Variants in CACNA1D observed in about 807,000 individuals in gnomAD.
CACNA1D encodes the protein voltage-dependent L-type calcium channel subunit alpha-1D.
A neutral mutation model predicts 257.1 loss-of-function variants in CACNA1D; 55 were observed. The observed-to-expected ratio is 0.21, with a 90% CI of 0.17 to 0.27. The LOEUF is 0.27. Ranked by LOEUF, CACNA1D falls within the 10% of genes least tolerant of loss-of-function variation. The pLI, the probability that CACNA1D is intolerant of heterozygous loss-of-function variation, is 1.00. For synonymous variants in CACNA1D, 980 were observed against 1,014.9 expected (o/e 0.97, Z 0.65); for missense variants, 1,876 against 2,784.0 (o/e 0.67, Z 7.34).
rs539807803 is a variant in CACNA1D, at chr3:53,526,145, G to T, written c.483+24425G>T. Among the ~76,000 whole-genome samples the T allele has an allele frequency of 1.2e-4, 19 of 152,306 alleles. No individual in the cohort carries two copies. The South Asian group carries it at 3.7e-3, about 30-fold the overall frequency. ...CCCATTGTCTCAGATTGGGTCACGC[G>T]CACATCCGGAACCAGTTGCAAGGCC... On this transcript the variant is annotated intron_variant, in intron 3 of 47. Coordinates refer to ENST00000350061, the MANE Select transcript of CACNA1D (RefSeq NM_001128840.3).
At chr3:53,722,264 C>G in intron 11 of CACNA1D, 50 bp from the exon 12 acceptor site, 2 of 1,604,058 alleles carry the variant, frequency 1.2e-6, no homozygotes, top group Non-Finnish European at 1.7e-6. Context: ...TTATTGGATA[C>G]TCAGATGCTG....
chr3:53,643,451 T>A (rs1448414871), intron 3 of CACNA1D, among the ~76,000 whole-genome samples: 1 of 151,706 alleles, frequency 6.6e-6, no homozygotes, highest in Non-Finnish European at 1.5e-5. Flanking sequence ...TGGGAGGGTG[T>A]CTCAGCAAGC....
chr3:53,764,064 C>T (rs1448362655), intron 30 of CACNA1D, among the ~76,000 whole-genome samples: 3 of 152,152 alleles, frequency 2.0e-5, no homozygotes, highest in East Asian at 1.9e-4. Flanking sequence ...CGTCATGCCA[C>T]GCTATGACCA....
rs555763995 is a variant in CACNA1D, at chr3:53,663,823, C to G, written c.767-1837C>G. On this transcript the variant is annotated intron_variant, in intron 5 of 47. Transcript: ENST00000350061. ...TTTTTTTTGGAGACGAAGTCTTGCT[C>G]TGTCACCCAGACTGGAGTTGCAACC... Among the ~76,000 whole-genome samples the G allele has an allele frequency of 7.9e-4, 120 of 152,180 alleles. 1 individual carries two copies. The highest frequency in any genetic ancestry group is 3.5e-3 in the South Asian group (17 of 4,808).
chr3:53,540,219 AG>A (rs1478106716), intron 3 of CACNA1D, among the ~76,000 whole-genome samples: 2 of 151,890 alleles, frequency 1.3e-5, no homozygotes, highest in African/African-American at 4.8e-5. Flanking sequence ...CCCAGGTTCA[AG>A]CGATTCTCCT....
chr3:53,530,871 C>T (rs1360454742), intron 3 of CACNA1D, among the ~76,000 whole-genome samples: 1 of 151,618 alleles, frequency 6.6e-6, no homozygotes, highest in Non-Finnish European at 1.5e-5. Context: ...TTTTCTGAGA[C>T]AAGGTCTTGC....
Position 53,672,816 on chromosome 3 carries a change from GTGTA to G in CACNA1D, c.1117-204_1117-201del, listed in dbSNP as rs1215090818. Among the ~76,000 whole-genome samples, 510 of 107,414 alleles carry G rather than the reference GTGTA, an allele frequency of 4.7e-3. 16 individuals carry two copies. Among genetic ancestry groups the G allele is most frequent in the African/African-American group, 0.019 (468 of 25,120 alleles). The allele number at this position is 107,414 out of a possible 152,430, so 70.5% of individuals were successfully genotyped here. Reference sequence around the variant, plus strand: ...TGTGTGTGTGTGTGTGTGTGTGTGTGTGTATGGATGCTTGTGTGTGTGTATGGGG... The same window carrying G: ...TGTGTGTGTGTGTGTGTGTGTGTGTGTGGATGCTTGTGTGTGTGTATGGGG... On this transcript the variant is annotated intron_variant, in intron 7 of 47. Transcript: ENST00000350061.
At chr3:53,722,584 T>G in intron 12 of CACNA1D, 110 bp downstream of exon 12, 5 of 1,127,844 alleles carry the variant, frequency 4.4e-6, no homozygotes, top group African/African-American at 1.5e-5. Context: ...GCAACATTTC[T>G]AGTGAGGACA....
chr3:53,786,816 G>T lies in CACNA1D; in HGVS notation c.4793-6G>T. ...CGGGAGAGCTCTGTCTGGTCTCTCC[G>T]TTTAGATGATGAGGTAACCGTGGGG... On this transcript the variant is annotated splice_region_variant and splice_polypyrimidine_tract_variant and intron_variant, in intron 39 of 47. Coordinates refer to ENST00000350061, the MANE Select transcript of CACNA1D (RefSeq NM_001128840.3). 6.5e-6 allele frequency: 10 copies of T among 1,534,220 alleles called. No individual in the cohort carries two copies. Among genetic ancestry groups the T allele is most frequent in the Non-Finnish European group, 8.0e-6 (9 of 1,129,018 alleles).
At position 53,801,293 on chromosome 3, in the gene CACNA1D, A is replaced by G. The variant is rs1281094271; in HGVS notation, c.5276A>G (p.Asn1759Ser). Reference protein sequence around the residue: ...QVPTSTNANLNNANMSKAAHG... With the variant: ...QVPTSTNANLSNANMSKAAHG... ...CCCACCTCAACAAATGCCAATCTCA[A>G]TAATGCCAATATGTCCAAAGCTGCC... Residue 1759 changes from asparagine (N) to serine (S), a missense_variant, in exon 42 of 48, where the codon AAT becomes AGT. This residue lies in a region of CACNA1D where 491 missense variants were observed against 554.3 expected (regional missense o/e 0.89). Coordinates refer to ENST00000350061, the MANE Select transcript of CACNA1D (RefSeq NM_001128840.3). 1 of 1,614,196 alleles carries G rather than the reference A, an allele frequency of 6.2e-7. No individual in the cohort carries two copies. Among genetic ancestry groups the G allele is most frequent in the Non-Finnish European group, 8.5e-7 (1 of 1,180,042 alleles).
At chr3:53,627,170 G>A (rs2093768967) in intron 3 of CACNA1D, among the ~76,000 whole-genome samples, 1 of 152,238 alleles carries the variant, frequency 6.6e-6, no homozygotes, top group Non-Finnish European at 1.5e-5. Context: ...CCACCTCACA[G>A]GTCCCAATAG....
intron 29 of CACNA1D, among the ~76,000 whole-genome samples, chr3:53,754,526 A>C (rs2095250162): frequency 6.6e-6 from 1 of 152,198 alleles, no homozygotes; most frequent in Non-Finnish European, 1.5e-5. Context: ...CCATATACGC[A>C]CTGCTTAACA....
chr3:53,776,606 A>G lies in CACNA1D; in HGVS notation c.4366A>G (p.Ile1456Val). 6.2e-7 allele frequency: 1 copy of G among 1,614,190 alleles called. No homozygotes were observed. The highest frequency in any genetic ancestry group is 8.5e-7 in the Non-Finnish European group (1 of 1,180,028). The change falls in exon 36 of 48, where the codon ATC becomes GTC. Residue 1456 changes from isoleucine to valine, a missense_variant. By Grantham distance (29) the Ile-to-Val change is conservative. Around this residue, in one of 10 missense-constraint regions of CACNA1D, gnomAD observed 83 missense variants for 210.7 expected, o/e 0.39. Coordinates refer to ENST00000350061, the MANE Select transcript of CACNA1D (RefSeq NM_001128840.3). ...CCTTTCCTATTTGCTTTTTCAGATC[A>G]TCAATCTGTTTGTGGCTGTCATCAT... ...SFYMLCAFLI[I>V]NLFVAVIMDN...
intron 5 of CACNA1D, among the ~76,000 whole-genome samples, chr3:53,663,884 G>A (rs938313990): frequency 2.6e-5 from 4 of 152,016 alleles, no homozygotes; most frequent in East Asian, 1.9e-4. Context: ...CCCCACCTCA[G>A]TCTCCCGAGT....
chr3:53,732,861 T>C lies in CACNA1D; in HGVS notation c.2520T>C (p.Pro840=). 6.2e-7 allele frequency: 1 copy of C among 1,613,960 alleles called. No individual in the cohort carries two copies. ...EEEEEDEPEV[P]AGPRPRRISE... is the part of the protein sequence containing the mutation. ...AGGAGGAGGATGAACCTGAGGTTCC[T>C]GCCGGACCCCGTCCTCGAAGGATCT... Residue 840 remains proline (P), a synonymous_variant, in exon 19 of 48, where the codon CCT becomes CCC. Coordinates refer to ENST00000350061, the MANE Select transcript of CACNA1D (RefSeq NM_001128840.3).
intron 3 of CACNA1D, among the ~76,000 whole-genome samples, chr3:53,531,070 T>C (rs945927784): frequency 3.3e-5 from 5 of 149,608 alleles, no homozygotes; most frequent in Non-Finnish European, 1.5e-5. Context: ...TTGCTTAGGC[T>C]GGTCTTGAAC....
intron 3 of CACNA1D, among the ~76,000 whole-genome samples, chr3:53,529,262 A>G (rs945374645): frequency 2.0e-5 from 3 of 152,174 alleles, no homozygotes; most frequent in African/African-American, 7.2e-5. Context: ...ATGTATTGAG[A>G]TAATCATATG....
intron 45 of CACNA1D, among the ~76,000 whole-genome samples, chr3:53,806,772 A>G (rs2095568335): frequency 6.6e-6 from 1 of 152,152 alleles, no homozygotes; most frequent in African/African-American, 2.4e-5. Flanking sequence ...TTCCATGGTT[A>G]ATATTTAATT....
chr3:53,642,178 G>T (rs2093961347), intron 3 of CACNA1D, among the ~76,000 whole-genome samples: 1 of 152,196 alleles, frequency 6.6e-6, no homozygotes. Context: ...AGTTTCGCTG[G>T]CTGGCTGGCT....
Sources: allele counts gnomAD v4.1 joint callset (sites outside exome capture counted in the v4.1 genomes callset), GRCh38; gene constraint gnomAD v4.1.1; regional missense constraint gnomAD v4.1.1; transcripts MANE v1.5; gene names NCBI Gene and HGNC (gene_info 2026-07-23, HGNC 2026-07-21).